SSBP2: variants seen among roughly 807,000 people sequenced by gnomAD.
SSBP2 encodes single stranded DNA binding protein 2, also known as single-stranded DNA-binding protein 2.
A neutral mutation model predicts 61.8 loss-of-function variants in SSBP2; 17 were observed. The observed-to-expected ratio is 0.28, with a 90% CI of 0.19 to 0.41. SSBP2 has a LOEUF of 0.41. Ranked by LOEUF, SSBP2 falls within the 10% of genes least tolerant of loss-of-function variation. The pLI, the probability that SSBP2 is intolerant of heterozygous loss-of-function variation, is 1.00. For synonymous variants in SSBP2, 139 were observed against 141.3 expected, an observed-to-expected ratio of 0.98 and a Z score of 0.12; for missense variants, 310 against 458.7, an observed-to-expected ratio of 0.68 and a Z score of 2.96.
chr5:81,702,453 A>G (rs1444613651), intron 1 of SSBP2, among the ~76,000 whole-genome samples: 2 of 152,214 alleles, frequency 1.3e-5, no homozygotes, highest in Admixed American at 1.3e-4. Flanking sequence ...CTACTACTCA[A>G]TCTCACTTAT....
chr5:81,671,746 A>T (rs1386875586), intron 1 of SSBP2, among the ~76,000 whole-genome samples: 1 of 152,146 alleles, frequency 6.6e-6, no homozygotes, highest in African/African-American at 2.4e-5. Context: ...GGGACAAGAC[A>T]TATAATTAAA....
intron 14 of SSBP2, chr5:81,437,675 C>T (rs1247333468): frequency 2.4e-5 from 8 of 332,934 alleles, no homozygotes; most frequent in East Asian, 1.1e-4. Flanking sequence ...AGTTCCCAAT[C>T]GTTTTTTTTT....
chr5:81,432,580 T>G (rs1459227821), intron 15 of SSBP2, among the ~76,000 whole-genome samples: 5 of 152,032 alleles, frequency 3.3e-5, no homozygotes, highest in African/African-American at 9.7e-5. Flanking sequence ...CCCCTGTCTC[T>G]ACTAAAAATA....
chr5:81,622,947 A>T (rs1392124089), intron 3 of SSBP2, among the ~76,000 whole-genome samples: 1 of 152,262 alleles, frequency 6.6e-6, no homozygotes, highest in East Asian at 1.9e-4. Context: ...AATACAGAGA[A>T]AACAATAAAA....
chr5:81,711,350 C>T (rs1485359060), intron 1 of SSBP2, among the ~76,000 whole-genome samples: 1 of 152,030 alleles, frequency 6.6e-6, no homozygotes, highest in African/African-American at 2.4e-5. Flanking sequence ...TAACAATTCA[C>T]CTTCAAAATA....
intron 4 of SSBP2, among the ~76,000 whole-genome samples, chr5:81,559,543 A>T (rs1772878939): frequency 6.6e-6 from 1 of 151,988 alleles, no homozygotes; most frequent in South Asian, 2.1e-4. Context: ...ATCACAAAAA[A>T]GGAAAAAAAA....
intron 4 of SSBP2, among the ~76,000 whole-genome samples, chr5:81,539,757 T>TA (rs1771102451): frequency 6.6e-6 from 1 of 152,190 alleles, no homozygotes; most frequent in Non-Finnish European, 1.5e-5. Context: ...ATAATTTTTT[T>TA]ATTATACTTT....
At chr5:81,699,585 C>T (rs551948250) in intron 1 of SSBP2, among the ~76,000 whole-genome samples, 1 of 152,298 alleles carries the variant, frequency 6.6e-6, no homozygotes, top group Admixed American at 6.5e-5. Flanking sequence ...TCAGGCTCCA[C>T]TTCTAATTCT....
chr5:81,432,085 T>G (rs1762325662), intron 15 of SSBP2, among the ~76,000 whole-genome samples: 1 of 152,238 alleles, frequency 6.6e-6, no homozygotes, highest in Admixed American at 6.5e-5. Flanking sequence ...TGAATTGCTT[T>G]CTCACAGGCT....
intron 1 of SSBP2, among the ~76,000 whole-genome samples, chr5:81,664,456 G>A (rs1375114330): frequency 2.0e-5 from 3 of 152,014 alleles, no homozygotes; most frequent in African/African-American, 7.2e-5. Context: ...TGTATCTTCA[G>A]CTCCTAAAAT....
At chr5:81,729,504 G>C in intron 1 of SSBP2, among the ~76,000 whole-genome samples, 1 of 152,108 alleles carries the variant, frequency 6.6e-6, no homozygotes, top group East Asian at 1.9e-4. Flanking sequence ...AAATGAATGA[G>C]TAAATGAATG....
At chr5:81,431,257 C>CT (rs2153920187) in intron 15 of SSBP2, among the ~76,000 whole-genome samples, 1 of 152,246 alleles carries the variant, frequency 6.6e-6, no homozygotes, top group African/African-American at 2.4e-5. Context: ...TACAAGATTA[C>CT]TTTTAGATAC....
At chr5:81,746,137 T>A (rs1306071098) in intron 1 of SSBP2, among the ~76,000 whole-genome samples, 3 of 152,238 alleles carry the variant, frequency 2.0e-5, no homozygotes, top group Non-Finnish European at 4.4e-5. Context: ...TCACAATTAA[T>A]CTCTGGATAA....
intron 4 of SSBP2, among the ~76,000 whole-genome samples, chr5:81,543,939 A>G (rs1771507778): frequency 6.6e-6 from 1 of 152,188 alleles, no homozygotes; most frequent in Non-Finnish European, 1.5e-5. Flanking sequence ...ACTGAAATAA[A>G]CAATATATAA....
intron 4 of SSBP2, among the ~76,000 whole-genome samples, chr5:81,541,291 C>T (rs1452785569): frequency 6.6e-6 from 1 of 152,048 alleles, no homozygotes; most frequent in Non-Finnish European, 1.5e-5. Flanking sequence ...AATGTAAAAA[C>T]ATCTCATGCT....
chr5:81,609,085 G>T (rs1359980028), intron 4 of SSBP2, among the ~76,000 whole-genome samples: 1 of 152,120 alleles, frequency 6.6e-6, no homozygotes, highest in Non-Finnish European at 1.5e-5. Flanking sequence ...TCTATGATTG[G>T]GTGTTCTCTC....
chr5:81,641,548 C>T (rs549852382), intron 2 of SSBP2, among the ~76,000 whole-genome samples: 14 of 152,174 alleles, frequency 9.2e-5, no homozygotes, highest in South Asian at 2.1e-4. Flanking sequence ...TTAGGTATGT[C>T]CACAGAAGAG....
At chr5:81,564,940 CCT>C (rs1020596833) in intron 4 of SSBP2, among the ~76,000 whole-genome samples, 1 of 152,132 alleles carries the variant, frequency 6.6e-6, no homozygotes, top group African/African-American at 2.4e-5. Context: ...TTTTGTGTCC[CCT>C]GTCCACTTAA....
At chr5:81,606,131 C>T (rs1205348651) in intron 4 of SSBP2, among the ~76,000 whole-genome samples, 1 of 152,100 alleles carries the variant, frequency 6.6e-6, no homozygotes, top group Admixed American at 6.5e-5. Flanking sequence ...CTGAAGGAAA[C>T]TAGTATTAAA....
Sources: allele counts gnomAD v4.1 joint callset (sites outside exome capture counted in the v4.1 genomes callset), GRCh38; gene constraint gnomAD v4.1.1; transcripts MANE v1.5; gene names NCBI Gene and HGNC (gene_info 2026-07-23, HGNC 2026-07-21).